PREX2: variants seen among roughly 807,000 people sequenced by gnomAD.
PREX2 encodes the protein phosphatidylinositol-3,4,5-trisphosphate dependent Rac exchange factor 2.
A neutral mutation model predicts 203.2 loss-of-function variants in PREX2; 107 were observed. The observed-to-expected ratio is 0.53, with a 90% CI of 0.45 to 0.62. The LOEUF is 0.62. PREX2 is among the 20% of genes least tolerant of loss of function. The probability of loss-of-function intolerance (pLI) is 0.00; values close to 1 mark genes in which losing one functional copy is unlikely to be tolerated. For missense variants in PREX2, 1,777 were observed against 1,955.9 expected (o/e 0.91, Z 1.72); for synonymous variants, 672 against 663.6 (o/e 1.01, Z -0.19).
intron 35 of PREX2, among the ~76,000 whole-genome samples, chr8:68,173,220 A>C (rs369126903): frequency 2.0e-5 from 3 of 152,304 alleles, no homozygotes; most frequent in African/African-American, 7.2e-5. Flanking sequence ...CATTTTATTG[A>C]ATTTATTCCA....
intron 37 of PREX2, among the ~76,000 whole-genome samples, chr8:68,197,242 C>T (rs1032794159): frequency 2.0e-5 from 3 of 152,038 alleles, no homozygotes; most frequent in Admixed American, 1.3e-4. Flanking sequence ...ATTATAATCC[C>T]CATAAACCCC....
chr8:68,152,305 A>AAAAAAAAAG (rs1811454230), intron 34 of PREX2, among the ~76,000 whole-genome samples: 1 of 151,510 alleles, frequency 6.6e-6, no homozygotes, highest in Non-Finnish European at 1.5e-5. Context: ...AAAAAAAAAA[A>AAAAAAAAAG]AAAAAGATAA....
Position 68,017,876 on chromosome 8 carries a change from G to A in PREX2, c.172G>A (p.Ala58Thr). 6.2e-7 allele frequency: 1 copy of A among 1,612,876 alleles called. No homozygotes were observed. The highest frequency in any genetic ancestry group is 8.5e-7 in the Non-Finnish European group (1 of 1,179,252). The change falls in exon 2 of 40, where the codon GCA becomes ACA. Residue 58 changes from alanine to threonine, a missense_variant. Physicochemically the swap from Ala to Thr is moderately conservative, Grantham distance 58. Coordinates refer to ENST00000288368, the MANE Select transcript of PREX2 (RefSeq NM_024870.4). The part of the protein sequence containing the change: ...AFLHRMNQCA[A>T]SKVDKNVTEE... ...CTTACACAGAATGAACCAGTGTGCA[G>A]CATCAAAAGTTGACAAAAATGTGAC...
chr8:68,154,250 A>G (rs1811498056), intron 34 of PREX2, among the ~76,000 whole-genome samples: 1 of 152,246 alleles, frequency 6.6e-6, no homozygotes, highest in Non-Finnish European at 1.5e-5. Context: ...TAAATTAGGT[A>G]ATACCTGTAC....
chr8:68,065,501 C>T (rs1808990871), intron 11 of PREX2, among the ~76,000 whole-genome samples: 1 of 152,042 alleles, frequency 6.6e-6, no homozygotes, highest in East Asian at 1.9e-4. Flanking sequence ...GGTCATAAGC[C>T]ATGTAGAACG....
At chr8:68,075,261 A>G (rs1809313134) in intron 14 of PREX2, among the ~76,000 whole-genome samples, 1 of 152,216 alleles carries the variant, frequency 6.6e-6, no homozygotes, top group Admixed American at 6.5e-5. Context: ...TAGTCTGGCC[A>G]GTGTTTCATT....
At chr8:68,222,434 C>CAAAAAAAAAAAAAA in intron 38 of PREX2, among the ~76,000 whole-genome samples, 1 of 77,078 alleles carries the variant, frequency 1.3e-5, no homozygotes, top group Non-Finnish European at 2.8e-5. Context: ...ACAATTTTAG[C>CAAAAAAAAAAAAAA]AAAAAAAAAA....
chr8:68,145,691 A>G (rs893009645), intron 33 of PREX2, among the ~76,000 whole-genome samples: 4 of 152,106 alleles, frequency 2.6e-5, no homozygotes, highest in African/African-American at 9.7e-5. Flanking sequence ...GAAAATAGCT[A>G]CAAGACTTGG....
chr8:68,135,539 A>G (rs1340301489), intron 32 of PREX2, among the ~76,000 whole-genome samples: 1 of 152,172 alleles, frequency 6.6e-6, no homozygotes. Context: ...ACCACAATGC[A>G]TGTGATATGG....
chr8:67,981,855 A>G (rs370038392), intron 1 of PREX2, among the ~76,000 whole-genome samples: 1 of 152,180 alleles, frequency 6.6e-6, no homozygotes, highest in South Asian at 2.1e-4. Context: ...TGGTTTTACT[A>G]CTGGGAAGTG....
chr8:68,012,964 A>G (rs1457407452), intron 1 of PREX2, among the ~76,000 whole-genome samples: 1 of 152,230 alleles, frequency 6.6e-6, no homozygotes, highest in East Asian at 1.9e-4. Context: ...GTGCTATCCT[A>G]TATTCCAAGT....
intron 1 of PREX2, among the ~76,000 whole-genome samples, chr8:67,973,127 C>A (rs890642431): frequency 6.6e-6 from 1 of 152,240 alleles, no homozygotes. Flanking sequence ...CCAGGCCTCC[C>A]CTGCTTCTTC....
chr8:67,982,550 A>G (rs1409216433), intron 1 of PREX2, among the ~76,000 whole-genome samples: 3 of 152,228 alleles, frequency 2.0e-5, no homozygotes, highest in Non-Finnish European at 4.4e-5. Context: ...ATACATTGAC[A>G]TGTATTAGAA....
intron 18 of PREX2, among the ~76,000 whole-genome samples, chr8:68,085,287 TTATTA>T (rs1052301747): frequency 1.3e-5 from 2 of 152,204 alleles, no homozygotes; most frequent in Admixed American, 6.5e-5. Context: ...CATTGCTACT[TTATTA>T]TATCAAGAGC....
intron 24 of PREX2, among the ~76,000 whole-genome samples, 195 bp downstream of exon 24, chr8:68,108,526 T>C (rs1216199403): frequency 6.6e-6 from 1 of 152,202 alleles, no homozygotes; most frequent in African/African-American, 2.4e-5. Context: ...GTTAGGCATT[T>C]TTGTTATTTT....
chr8:68,042,186 A>G (rs930060278), intron 7 of PREX2, among the ~76,000 whole-genome samples: 2 of 152,056 alleles, frequency 1.3e-5, no homozygotes, highest in Non-Finnish European at 1.5e-5. Context: ...ACAAACTTCC[A>G]TAATGTTGTA....
chr8:68,201,391 T>C (rs960358879), intron 37 of PREX2, among the ~76,000 whole-genome samples: 13 of 152,158 alleles, frequency 8.5e-5, no homozygotes, highest in Admixed American at 2.6e-4. Context: ...TTAAGGAGTA[T>C]TGACTCACAC....
chr8:68,003,842 CTTTTTTTTTTTTTTTTT>C lies in PREX2; in HGVS notation c.142-13995_142-13979del, dbSNP rs148890144. Among the ~76,000 whole-genome samples, 216 of 90,652 alleles carry C rather than the reference CTTTTTTTTTTTTTTTTT, an allele frequency of 2.4e-3. 1 individual carries two copies. Among genetic ancestry groups the C allele is most frequent in the African/African-American group, 9.1e-3 (211 of 23,164 alleles). 59.5% of individuals were successfully genotyped at this position (90,652 alleles called of 152,430 possible). A position where few individuals can be genotyped will look rare whatever the true frequency, so the allele number is the denominator to read the frequency against. ...TCCACAGGAGGTCTTCTGGCCTGAC[CTTTTTTTTTTTTTTTTT>C]TTTTTTTTGAGACAGAGTCTCACCC... is the stretch of plus-strand genomic sequence containing the variant. On this transcript the variant is annotated intron_variant, in intron 1 of 39. Coordinates refer to ENST00000288368, the MANE Select transcript of PREX2 (RefSeq NM_024870.4).
At chr8:68,161,697 T>TA (rs576439215) in intron 35 of PREX2, among the ~76,000 whole-genome samples, 181 of 146,232 alleles carry the variant, frequency 1.2e-3, no homozygotes, top group South Asian at 4.5e-3. Flanking sequence ...CTCTCTCAAG[T>TA]AAAAAAAAAA....
Sources: gnomAD v4.1 joint callset for allele counts (sites outside exome capture counted in the v4.1 genomes callset) on GRCh38, gnomAD v4.1.1 for gene constraint, MANE v1.5 for transcripts, NCBI Gene and HGNC (gene_info 2026-07-23, HGNC 2026-07-21) for gene names.